The following FHOD3 variants were observed in gnomAD, a reference collection of about 807,000 sequenced individuals.
FHOD3 encodes FH1/FH2 domain-containing protein 3.
A neutral mutation model predicts 173.0 loss-of-function variants in FHOD3; 90 were observed. That is an observed-to-expected ratio of 0.52 (90% CI 0.44 to 0.62). FHOD3 has a LOEUF of 0.62. Among genes scored for constraint, FHOD3 ranks in the 20% least tolerant of loss-of-function variants. The pLI, the probability that FHOD3 is intolerant of heterozygous loss-of-function variation, is 0.00. For missense variants in FHOD3, 1,945 were observed against 2,034.7 expected, an observed-to-expected ratio of 0.96 and a Z score of 0.85; for synonymous variants, 828 against 823.0, an observed-to-expected ratio of 1.01 and a Z score of -0.10.
At chr18:36,768,418 G>A (rs1426910106) in intron 27 of FHOD3, among the ~76,000 whole-genome samples, 4 of 152,152 alleles carry the variant, frequency 2.6e-5, no homozygotes, top group South Asian at 2.1e-4. Flanking sequence ...TGCAGGATGC[G>A]AAGCCCATGT....
chr18:36,298,402 A>T (rs1419020912), intron 1 of FHOD3, among the ~76,000 whole-genome samples: 2 of 152,002 alleles, frequency 1.3e-5, no homozygotes, highest in Non-Finnish European at 2.9e-5. Flanking sequence ...GCGCCGCGAG[A>T]CTCAGGTCCC....
intron 15 of FHOD3, among the ~76,000 whole-genome samples, chr18:36,684,672 A>G (rs2038484393): frequency 6.6e-6 from 1 of 152,190 alleles, no homozygotes; most frequent in Non-Finnish European, 1.5e-5. Flanking sequence ...AAAACTAAAC[A>G]CAACAAACAA....
intron 19 of FHOD3, among the ~76,000 whole-genome samples, chr18:36,722,424 T>G (rs1454173175): frequency 2.0e-5 from 3 of 152,322 alleles, no homozygotes; most frequent in South Asian, 4.1e-4. Flanking sequence ...GAACTCAGTT[T>G]CCACTTTGGG....
In FHOD3 at chr18:36,755,122, C is replaced by T. The variant is rs151248266; in HGVS notation, c.4236C>T (p.Phe1412=). ...TATTACTGTTTTTTCCTTGCAGATT[C>T]CACTCCTTTTTACTCTTTATGGGCC... ...KIVHRRIINR[F]HSFLLFMGHP... The change falls in exon 25 of 29, where the codon TTC becomes TTT. Residue 1412 remains phenylalanine, a synonymous_variant. Transcript: ENST00000590592. 6.4e-7 allele frequency: 1 copy of T among 1,560,762 alleles called. No individual in the cohort carries two copies. Among genetic ancestry groups the T allele is most frequent in the Non-Finnish European group, 8.7e-7 (1 of 1,155,200 alleles).
At position 36,535,608 on chromosome 18, in the gene FHOD3, T is replaced by C. The variant is rs145276799; in HGVS notation, c.511+23065T>C. Among the ~76,000 whole-genome samples, 25 of 152,350 alleles carry C rather than the reference T, an allele frequency of 1.6e-4. 1 individual carries two copies. The East Asian group carries it at 4.6e-3, about 28-fold the overall frequency. On this transcript the variant is annotated intron_variant, in intron 5 of 28. Coordinates refer to ENST00000590592, the MANE Select transcript of FHOD3 (RefSeq NM_001281740.3). ...ACAGCAGAAAATCTGACTTGGAGTA[T>C]ACTTTAAAATAAATGTGTTATAGTT...
At chr18:36,369,440 AACACAC>A (rs59109469) in intron 2 of FHOD3, among the ~76,000 whole-genome samples, 7,690 of 94,050 alleles carry the variant, frequency 0.082, 342 homozygotes, top group African/African-American at 0.14. Context: ...ATTTTATTTA[AACACAC>A]ACACACACAC....
chr18:36,477,556 T>G (rs962738839), intron 3 of FHOD3, among the ~76,000 whole-genome samples: 1 of 82,530 alleles, frequency 1.2e-5, no homozygotes. Context: ...CCTACCTACC[T>G]ACCTACCTAC....
chr18:36,569,436 C>G (rs755093073), intron 5 of FHOD3, among the ~76,000 whole-genome samples: 4 of 152,064 alleles, frequency 2.6e-5, no homozygotes, highest in Non-Finnish European at 5.9e-5. Context: ...CTTCAAAATT[C>G]ATAAAGCAAA....
At chr18:36,697,841 G>A (rs2039374446) in intron 17 of FHOD3, among the ~76,000 whole-genome samples, 2 of 152,200 alleles carry the variant, frequency 1.3e-5, no homozygotes, top group Non-Finnish European at 1.5e-5. Flanking sequence ...GATTTTTCCT[G>A]TGGGCATCCA....
At chr18:36,331,348 T>G (rs2044998775) in intron 1 of FHOD3, among the ~76,000 whole-genome samples, 1 of 152,184 alleles carries the variant, frequency 6.6e-6, no homozygotes, top group African/African-American at 2.4e-5. Context: ...CTCTCTGCTT[T>G]ATACGAGGCC....
chr18:36,369,489 A>G (rs2047063813), intron 2 of FHOD3, among the ~76,000 whole-genome samples: 2 of 131,164 alleles, frequency 1.5e-5, no homozygotes, highest in East Asian at 6.2e-4. Context: ...ACACACACAC[A>G]CACACACACA....
chr18:36,398,583 T>A (rs2048661364), intron 3 of FHOD3, among the ~76,000 whole-genome samples: 1 of 152,188 alleles, frequency 6.6e-6, no homozygotes, highest in African/African-American at 2.4e-5. Flanking sequence ...TCTCAATGAT[T>A]TGTTCCATTG....
At chr18:36,582,872 C>G (rs189998142) in intron 6 of FHOD3, among the ~76,000 whole-genome samples, 3 of 152,352 alleles carry the variant, frequency 2.0e-5, no homozygotes, top group Admixed American at 1.3e-4. Context: ...TTTTGTCACA[C>G]ATTTTTATCT....
intron 14 of FHOD3, among the ~76,000 whole-genome samples, chr18:36,673,123 CTG>C (rs1439962343): frequency 1.3e-5 from 2 of 152,132 alleles, no homozygotes; most frequent in African/African-American, 2.4e-5. Flanking sequence ...GATCATCTGT[CTG>C]TGTTGTCTTT....
intron 3 of FHOD3, among the ~76,000 whole-genome samples, chr18:36,488,621 C>T (rs995302885): frequency 1.3e-5 from 2 of 152,174 alleles, no homozygotes; most frequent in Admixed American, 6.5e-5. Context: ...GAAAAGTAGT[C>T]TTTACTGAGT....
At chr18:36,534,608 G>A (rs148634294) in intron 5 of FHOD3, among the ~76,000 whole-genome samples, 1,563 of 152,190 alleles carry the variant, frequency 0.01, 30 homozygotes, top group African/African-American at 0.036. Context: ...CCGGGCTCAA[G>A]CAATCCTCCC....
chr18:36,339,863 C>T (rs1023230415), intron 1 of FHOD3, among the ~76,000 whole-genome samples: 2 of 152,140 alleles, frequency 1.3e-5, no homozygotes, highest in East Asian at 3.8e-4. Flanking sequence ...TTTTTTCCTG[C>T]TTTTTGAACA....
At chr18:36,766,838 G>T (rs953151366) in intron 27 of FHOD3, among the ~76,000 whole-genome samples, 4 of 152,178 alleles carry the variant, frequency 2.6e-5, no homozygotes, top group African/African-American at 9.6e-5. Flanking sequence ...CTGGCCCAGT[G>T]CTCTGCAAAT....
At chr18:36,363,119 G>C (rs960025274) in intron 2 of FHOD3, among the ~76,000 whole-genome samples, 2 of 152,078 alleles carry the variant, frequency 1.3e-5, no homozygotes, top group African/African-American at 4.8e-5. Context: ...CCTTAGAATG[G>C]CTAAAATAAA....
Sources: allele counts gnomAD v4.1 joint callset (sites outside exome capture counted in the v4.1 genomes callset), GRCh38; gene constraint gnomAD v4.1.1; transcripts MANE v1.5; gene names NCBI Gene and HGNC (gene_info 2026-07-23, HGNC 2026-07-21).